The following KIRREL3 variants were observed in gnomAD, a reference collection of about 807,000 sequenced individuals.
KIRREL3 encodes the protein kin of IRRE-like protein 3.
KIRREL3 carries 36 observed loss-of-function variants against 89.7 expected under a neutral mutation model. That is an observed-to-expected ratio of 0.40 (90% confidence interval 0.31 to 0.53). The LOEUF (loss-of-function observed/expected upper bound fraction) is 0.53. KIRREL3 is among the 20% of genes least tolerant of loss of function. The pLI is 0.49. For missense variants in KIRREL3, 864 were observed against 1,056.6 expected, an observed-to-expected ratio of 0.82 and a Z score of 2.53; for synonymous variants, 445 against 441.4, an observed-to-expected ratio of 1.01 and a Z score of -0.10.
At chr11:126,445,974 C>A (rs1955781111) in intron 9 of KIRREL3, among the ~76,000 whole-genome samples, 1 of 152,080 alleles carries the variant, frequency 6.6e-6, no homozygotes, top group Non-Finnish European at 1.5e-5. Flanking sequence ...CATGGAGAAA[C>A]CCTGTCTCTA....
At chr11:126,604,767 G>A (rs10437703) in intron 1 of KIRREL3, among the ~76,000 whole-genome samples, 5,030 of 152,220 alleles carry the variant, frequency 0.033, 295 homozygotes, top group African/African-American at 0.11. Context: ...TCCATGTTTG[G>A]AACACAATAA....
chr11:126,894,575 AAG>A (rs2134792740), intron 1 of KIRREL3, among the ~76,000 whole-genome samples: 1 of 132,786 alleles, frequency 7.5e-6, no homozygotes, highest in African/African-American at 2.8e-5. Flanking sequence ...AAAAAAGGAA[AAG>A]AAAGAAAGAA....
In KIRREL3 at chr11:126,562,203, G is replaced by A. The variant is rs1262585301; in HGVS notation, c.133+632C>T. The stretch of plus-strand genomic sequence containing the variant: ...ATTGGTTCTTTATTACAGCAGACCC[G>A]TAAGTGACAGCACTCCTCCTCCCAG... On this transcript the variant is annotated intron_variant, in intron 2 of 16. Transcript: ENST00000525144. The surrounding 1 kb of genome is among the most constrained non-coding windows in gnomAD (Gnocchi z 4.7). 6.6e-6 allele frequency among the ~76,000 whole-genome samples: 1 copy of A among 152,124 alleles called. No homozygotes were observed. Among genetic ancestry groups the A allele is most frequent in the African/African-American group, 2.4e-5 (1 of 41,420 alleles).
intron 1 of KIRREL3, among the ~76,000 whole-genome samples, chr11:126,950,702 C>T (rs923279532): frequency 1.3e-5 from 2 of 152,192 alleles, no homozygotes; most frequent in African/African-American, 4.8e-5. Context: ...TTGTACATCA[C>T]ACAGATGAAG....
chr11:126,746,172 C>G (rs1324938251), intron 1 of KIRREL3, among the ~76,000 whole-genome samples: 1 of 152,220 alleles, frequency 6.6e-6, no homozygotes, highest in African/African-American at 2.4e-5. Flanking sequence ...TATTCTCTTT[C>G]ACCTATCCGG....
chr11:126,583,398 G>A (rs1941659543), intron 1 of KIRREL3, among the ~76,000 whole-genome samples: 1 of 152,192 alleles, frequency 6.6e-6, no homozygotes, highest in Non-Finnish European at 1.5e-5. Flanking sequence ...TGGGATCATG[G>A]CTGAGGTTGA....
At chr11:126,888,999 G>C (rs1242138432) in intron 1 of KIRREL3, among the ~76,000 whole-genome samples, 2 of 152,224 alleles carry the variant, frequency 1.3e-5, no homozygotes, top group Non-Finnish European at 2.9e-5. Flanking sequence ...TAGATAAATG[G>C]TGGAGCCAAG....
rs1016346082 is a variant in KIRREL3, at chr11:126,563,621, C to A, written c.56-709G>T. On this transcript the variant is annotated intron_variant, in intron 1 of 16. Coordinates refer to ENST00000525144, the MANE Select transcript of KIRREL3 (RefSeq NM_032531.4). This position sits in a 1 kb window ranked among gnomAD's most constrained non-coding sequence, Gnocchi z 6.8. ...CGAGATAGCTGAGAGACACGGACTC[C>A]ACAGGGCTTTGACCCAGTTGGAAAA... 3.3e-5 allele frequency among the ~76,000 whole-genome samples: 5 copies of A among 152,162 alleles called. No individual in the cohort carries two copies. Among genetic ancestry groups the A allele is most frequent in the Admixed American group, 2.0e-4 (3 of 15,284 alleles).
chr11:126,583,215 TG>T (rs1228152175), intron 1 of KIRREL3, among the ~76,000 whole-genome samples: 1 of 152,246 alleles, frequency 6.6e-6, no homozygotes, highest in African/African-American at 2.4e-5. Context: ...CACTGTGGAC[TG>T]TTTCTGAGCC....
rs868141156 is a variant in KIRREL3 at position 126,491,042 on chromosome 11, T to A, written c.434-17576A>T. On this transcript the variant is annotated intron_variant, in intron 4 of 16. Transcript: ENST00000525144. This position sits in a 1 kb window ranked among gnomAD's most constrained non-coding sequence, Gnocchi z 5.5. ...GGGCTCTGTCTGGATTTTGGGTCCATCCCGTAGTGGAAAGGGGTCCTATGT... is the reference window on the plus strand; with the variant it reads ...GGGCTCTGTCTGGATTTTGGGTCCAACCCGTAGTGGAAAGGGGTCCTATGT... Among the ~76,000 whole-genome samples the A allele has an allele frequency of 4.3e-4, 65 of 152,122 alleles. No homozygotes were observed. Among genetic ancestry groups the A allele is most frequent in the Admixed American group, 2.9e-3 (44 of 15,274 alleles).
chr11:126,857,600 G>C (rs965041049), intron 1 of KIRREL3, among the ~76,000 whole-genome samples: 3 of 152,066 alleles, frequency 2.0e-5, no homozygotes, highest in Non-Finnish European at 4.4e-5. Flanking sequence ...GTCTGCCTCT[G>C]GGGATTGATC....
chr11:126,456,401 C>T lies in KIRREL3; in HGVS notation c.796G>A (p.Val266Ile), dbSNP rs374510650. 1.1e-5 allele frequency: 17 copies of T among 1,594,176 alleles called. No individual in the cohort carries two copies. Among genetic ancestry groups the T allele is most frequent in the East Asian group, 6.8e-5 (3 of 44,052 alleles). Residue 266 changes from valine (V) to isoleucine (I), a missense_variant, in exon 7 of 17, where the codon GTC becomes ATC. Transcript: ENST00000525144. Reference sequence around the variant, plus strand: ...TTTGCAGAGCAGTGGAAAGTGACGACGTTGTCCTCCAGCACTGGCTGTGGC... The same window carrying T: ...TTTGCAGAGCAGTGGAAAGTGACGATGTTGTCCTCCAGCACTGGCTGTGGC... ...VEPQPVLEDN[V>I]VTFHCSAKAN...
Position 126,527,718 on chromosome 11 carries a change from G to A in KIRREL3, c.134-1031C>T, listed in dbSNP as rs1591682237. ...GGACTTTGGGAAACGGAGGCTCAGGGTTAACTGAATTGCCCAGGGAACTGT... is the reference window on the plus strand; with the variant it reads ...GGACTTTGGGAAACGGAGGCTCAGGATTAACTGAATTGCCCAGGGAACTGT... On this transcript the variant is annotated intron_variant, in intron 2 of 16. Transcript: ENST00000525144. This position sits in a 1 kb window ranked among gnomAD's most constrained non-coding sequence, Gnocchi z 4.2. Among the ~76,000 whole-genome samples, 1 of 152,224 alleles carries A rather than the reference G, an allele frequency of 6.6e-6. No homozygotes were observed. The highest frequency in any genetic ancestry group is 1.5e-5 in the Non-Finnish European group (1 of 68,008).
chr11:126,713,109 G>C (rs1449716730), intron 1 of KIRREL3, among the ~76,000 whole-genome samples: 1 of 152,224 alleles, frequency 6.6e-6, no homozygotes, highest in Admixed American at 6.5e-5. Flanking sequence ...AGCACAGGGG[G>C]CTGTGGAAGC....
chr11:126,831,470 T>C (rs1022749227), intron 1 of KIRREL3, among the ~76,000 whole-genome samples: 1 of 148,526 alleles, frequency 6.7e-6, no homozygotes, highest in African/African-American at 2.5e-5. Context: ...ACCACTTTTC[T>C]TTTGAATAGC....
Position 126,841,113 on chromosome 11 carries a change from ATAGTG to A in KIRREL3, c.55+159337_55+159341del, listed in dbSNP as rs1313764579. On this transcript the variant is annotated intron_variant, in intron 1 of 16. Transcript: ENST00000525144. The stretch of plus-strand genomic sequence containing the variant: ...TAGGTATGTATGGATAGGAAAGAAC[ATAGTG>A]TATATAGGGTTTGGGACTATCTGTG... Among the ~76,000 whole-genome samples, 16 of 152,246 alleles carry A rather than the reference ATAGTG, an allele frequency of 1.1e-4. No homozygotes were observed. The East Asian group carries it at 2.9e-3, about 27-fold the overall frequency.
At chr11:126,935,938 T>G (rs1043686606) in intron 1 of KIRREL3, 4 of 152,216 alleles carry the variant, frequency 2.6e-5, no homozygotes, top group Admixed American at 2.6e-4. Flanking sequence ...CCACTCTGGC[T>G]GGTGTGAGAT....
In KIRREL3 at chr11:126,641,874, A is replaced by T. The variant is rs912142949; in HGVS notation, c.56-78962T>A. On this transcript the variant is annotated intron_variant, in intron 1 of 16. Transcript: ENST00000525144. The surrounding 1 kb of genome is among the most constrained non-coding windows in gnomAD (Gnocchi z 5.0). ...TTCCCACCACAGTCCCCTTGCTTACATGTGCACATCCTCAACTTCCACTCT... is the reference window on the plus strand; with the variant it reads ...TTCCCACCACAGTCCCCTTGCTTACTTGTGCACATCCTCAACTTCCACTCT... 3.3e-5 allele frequency among the ~76,000 whole-genome samples: 5 copies of T among 152,198 alleles called. No individual in the cohort carries two copies. Among genetic ancestry groups the T allele is most frequent in the Admixed American group, 1.3e-4 (2 of 15,282 alleles).
chr11:126,426,553 A>G lies in KIRREL3; in HGVS notation c.1807-829T>C, dbSNP rs192016205. Among the ~76,000 whole-genome samples, 4 of 152,356 alleles carry G rather than the reference A, an allele frequency of 2.6e-5. No individual in the cohort carries two copies. The East Asian group carries it at 5.8e-4, about 22-fold the overall frequency. On this transcript the variant is annotated intron_variant, in intron 15 of 16. Coordinates refer to ENST00000525144, the MANE Select transcript of KIRREL3 (RefSeq NM_032531.4). ...AGGCAAAGTGGCTTAGCTCTAAATTACTGAAAATTAACAAAATTATTAGAC... is the reference window on the plus strand; with the variant it reads ...AGGCAAAGTGGCTTAGCTCTAAATTGCTGAAAATTAACAAAATTATTAGAC...
Sources: allele counts gnomAD v4.1 joint callset (sites outside exome capture counted in the v4.1 genomes callset), GRCh38; gene constraint gnomAD v4.1.1; non-coding constraint Gnocchi (gnomAD v3.1); transcripts MANE v1.5; gene names NCBI Gene and HGNC (gene_info 2026-07-23, HGNC 2026-07-21).